CCDC7: variants seen among roughly 807,000 people sequenced by gnomAD.
CCDC7 encodes coiled-coil domain containing 7.
CCDC7 carries 183 observed loss-of-function variants against 196.9 expected under a neutral mutation model. The ratio of observed to expected loss-of-function variants is 0.93; its 90% CI spans 0.82 to 1.05. The LOEUF (loss-of-function observed/expected upper bound fraction) is 1.05. Among genes scored for constraint, CCDC7 ranks in the 50% least tolerant of loss-of-function variants. The pLI is 0.00. For synonymous variants in CCDC7, 525 were observed against 484.6 expected (o/e 1.08, Z -1.10); for missense variants, 1,540 against 1,482.2 (o/e 1.04, Z -0.64).
chr10:32,665,434 T>C (rs1411697545), intron 21 of CCDC7, among the ~76,000 whole-genome samples: 2 of 152,062 alleles, frequency 1.3e-5, no homozygotes, highest in African/African-American at 2.4e-5. Flanking sequence ...GCAATTCTAG[T>C]TTCAGATCCT....
rs536177147 is a variant in CCDC7, at chr10:32,751,164, T to C, written c.2905+21707T>C. ...AAGGTAACCCAAACCTTTATTGTTA[T>C]GAAAGCTGATACCTTAGTGGTTTTG... On this transcript the variant is annotated intron_variant, in intron 28 of 41. Transcript: ENST00000639629. Among the ~76,000 whole-genome samples the C allele has an allele frequency of 2.0e-5, 3 of 152,116 alleles. 1 individual carries two copies. The Middle Eastern group carries it at 0.01, about 517-fold the overall frequency.
chr10:32,868,582 T>A (rs1023397972), intron 41 of CCDC7, among the ~76,000 whole-genome samples: 2 of 152,124 alleles, frequency 1.3e-5, no homozygotes, highest in Admixed American at 6.6e-5. Context: ...TCTTTTTTTT[T>A]AATACTTTAA....
intron 22 of CCDC7, among the ~76,000 whole-genome samples, chr10:32,882,432 G>A (rs535328840): frequency 8.5e-5 from 13 of 152,248 alleles, no homozygotes; most frequent in African/African-American, 2.2e-4. Flanking sequence ...AGAAGAGGGC[G>A]TAGAGAAGCC....
chr10:32,717,158 A>G (rs2142031430), intron 25 of CCDC7, among the ~76,000 whole-genome samples: 1 of 152,332 alleles, frequency 6.6e-6, no homozygotes, highest in South Asian at 2.1e-4. Flanking sequence ...CAGCAAATGC[A>G]AAAGAATGGA....
At chr10:32,693,765 G>A (rs949673474) in intron 23 of CCDC7, among the ~76,000 whole-genome samples, 4 of 152,100 alleles carry the variant, frequency 2.6e-5, no homozygotes, top group African/African-American at 9.7e-5. Context: ...ACATTCCAAA[G>A]ATATGTATGT....
intron 11 of CCDC7, among the ~76,000 whole-genome samples, chr10:32,523,723 A>C (rs1057439053): frequency 6.7e-6 from 1 of 148,390 alleles, no homozygotes; most frequent in Admixed American, 6.7e-5. Flanking sequence ...TTGTCATTAT[A>C]TAATGACCTT....
intron 24 of CCDC7, among the ~76,000 whole-genome samples, chr10:32,706,891 A>T (rs545668788): frequency 1.1e-4 from 17 of 152,226 alleles, no homozygotes; most frequent in Non-Finnish European, 2.1e-4. Context: ...TACCAGAGGT[A>T]CAAAGAGGAG....
chr10:32,461,709 G>GTGTGTATATATA (rs1471520620), intron 3 of CCDC7, among the ~76,000 whole-genome samples: 1 of 57,482 alleles, frequency 1.7e-5, no homozygotes, highest in Non-Finnish European at 3.2e-5. Flanking sequence ...GTGTGTGTGT[G>GTGTGTATATATA]TATATATATA....
At chr10:32,871,027 G>A (rs150013653) in intron 41 of CCDC7, among the ~76,000 whole-genome samples, 5,829 of 152,236 alleles carry the variant, frequency 0.038, 117 homozygotes, top group Middle Eastern at 0.051. Context: ...TTGCATGAAT[G>A]TTCATCAGGG....
At position 32,825,542 on chromosome 10, in the gene CCDC7, A is replaced by C. The variant is rs2090988581; in HGVS notation, c.3268+938A>C. Among the ~76,000 whole-genome samples, 3 of 152,110 alleles carry C rather than the reference A, an allele frequency of 2.0e-5. No homozygotes were observed. The South Asian group carries it at 6.2e-4, about 32-fold the overall frequency. ...ATCATCTGTATCTATCTATATATCT[A>C]TATCTATATCTTCTATTACTTCTTT... On this transcript the variant is annotated intron_variant, in intron 32 of 41. Coordinates refer to ENST00000639629, the Ensembl canonical transcript of CCDC7.
intron 21 of CCDC7, among the ~76,000 whole-genome samples, chr10:32,678,137 T>TATA (rs1565102136): frequency 6.6e-6 from 1 of 152,144 alleles, no homozygotes; most frequent in Non-Finnish European, 1.5e-5. Flanking sequence ...TTTATTTGGT[T>TATA]GTCTAGCTGT....
In CCDC7 at chr10:32,671,799, T is replaced by C. The variant is rs2074107061; in HGVS notation, c.2122+7638T>C. Among the ~76,000 whole-genome samples, 4 of 152,034 alleles carry C rather than the reference T, an allele frequency of 2.6e-5. 1 individual carries two copies. The highest frequency in any genetic ancestry group is 2.6e-4 in the Admixed American group (4 of 15,248). On this transcript the variant is annotated intron_variant, in intron 21 of 41. Transcript: ENST00000639629. ...TGGGCTGCTGCAGTTCTGGCACTCA[T>C]GAGATTGAGAGTTGTGTCACCTTTG...
chr10:32,706,402 T>G (rs1180913295), intron 24 of CCDC7, among the ~76,000 whole-genome samples: 1 of 151,848 alleles, frequency 6.6e-6, no homozygotes, highest in Admixed American at 6.6e-5. Context: ...ACATCACAAT[T>G]AAAAGAACTA....
At chr10:32,451,348 GTTA>G (rs897193470), upstream of CCDC7, among the ~76,000 whole-genome samples, 218 of 152,288 alleles carry the variant, frequency 1.4e-3, no homozygotes, top group Middle Eastern at 0.014. Flanking sequence ...AGCTTTTACT[GTTA>G]TTATGCTTAA....
At chr10:32,846,457 A>C (rs1188205577) in exon 37 of CCDC7, 1 of 1,573,134 alleles carries the variant, frequency 6.4e-7, no homozygotes, top group Admixed American at 1.8e-5. Context: ...AAGAGTCACC[A>C]GGGTAAGAAA....
At chr10:32,559,121 G>A (rs1320802040) in intron 13 of CCDC7, among the ~76,000 whole-genome samples, 4 of 152,012 alleles carry the variant, frequency 2.6e-5, no homozygotes, top group African/African-American at 4.8e-5. Flanking sequence ...GGGGAGGGGC[G>A]CCCGCCATTG....
intron 8 of CCDC7, among the ~76,000 whole-genome samples, chr10:32,477,115 T>C (rs1336448675): frequency 6.6e-6 from 1 of 152,138 alleles, no homozygotes; most frequent in South Asian, 2.1e-4. Context: ...TAAAAATTCA[T>C]CTTCAAACCC....
intron 9 of CCDC7, among the ~76,000 whole-genome samples, chr10:32,496,884 A>G (rs1463420804): frequency 1.3e-5 from 2 of 152,170 alleles, no homozygotes; most frequent in Non-Finnish European, 2.9e-5. Flanking sequence ...AGGTCTTGGT[A>G]TCAGGAAGGT....
At chr10:32,640,936 A>T (rs2066683269) in intron 20 of CCDC7, among the ~76,000 whole-genome samples, 1 of 131,476 alleles carries the variant, frequency 7.6e-6, no homozygotes, top group African/African-American at 2.7e-5. Flanking sequence ...CAGGTTAGTT[A>T]CATATGTATA....
Sources: gnomAD v4.1 joint callset for allele counts (sites outside exome capture counted in the v4.1 genomes callset) on GRCh38, gnomAD v4.1.1 for gene constraint, MANE v1.5 for transcripts, NCBI Gene and HGNC (gene_info 2026-07-23, HGNC 2026-07-21) for gene names.